COL6A5: variants seen among roughly 807,000 people sequenced by gnomAD.
The protein encoded by COL6A5 is collagen type VI alpha 5 chain, also known as collagen alpha-5(VI) chain.
In COL6A5, 48 loss-of-function variants were observed where a neutral mutation model predicts 65.6. That is an observed-to-expected ratio of 0.73 (90% confidence interval 0.58 to 0.93). The LOEUF (loss-of-function observed/expected upper bound fraction) is 0.93, where lower values mean the gene tolerates loss of function less well. COL6A5 is among the 40% of genes least tolerant of loss of function. The probability of loss-of-function intolerance (pLI) is 0.00; values close to 1 mark genes in which losing one functional copy is unlikely to be tolerated. For synonymous variants in COL6A5, 291 were observed against 322.8 expected, an observed-to-expected ratio of 0.90 and a Z score of 1.05; for missense variants, 914 against 928.3, an observed-to-expected ratio of 0.98 and a Z score of 0.20.
chr3:130,469,456 CAAG>C, exon 6 of COL6A5: 1 of 1,612,082 alleles, frequency 6.2e-7, no homozygotes, highest in Non-Finnish European at 8.5e-7. Context: ...TCAAGTTTGT[CAAG>C]CCATTTGTCC....
intron 1 of COL6A5, among the ~76,000 whole-genome samples, chr3:130,372,173 A>T (rs1464865923): frequency 2.0e-5 from 3 of 152,196 alleles, no homozygotes; most frequent in Non-Finnish European, 4.4e-5. Context: ...ATAAGTGTTG[A>T]TGGCAATGTG....
exon 4 of COL6A5, chr3:130,443,543 G>A (rs563800918): frequency 1.2e-5 from 19 of 1,609,740 alleles, no homozygotes; most frequent in Non-Finnish European, 1.6e-5. Flanking sequence ...TAGGAGGAGA[G>A]AATATTCAAA....
chr3:130,346,085 C>CTGTTGACGCCCCCAAATCTGA (rs1934464260), intron 1 of COL6A5, 104 bp downstream of exon 1: 1 of 397,704 alleles, frequency 2.5e-6, no homozygotes, highest in Non-Finnish European at 4.4e-6. Context: ...TGATTTGCAC[C>CTGTTGACGCCCCCAAATCTGA]TGTTGACGCC....
At chr3:130,409,036 C>A (rs35136572) in intron 17 of COL6A5, among the ~76,000 whole-genome samples, 12,606 of 152,122 alleles carry the variant, frequency 0.083, 604 homozygotes, top group Middle Eastern at 0.11. Context: ...TAATGGCTAC[C>A]GTATTGATGA....
At chr3:130,388,290 T>C (rs528045636) in intron 5 of COL6A5, among the ~76,000 whole-genome samples, 1 of 152,220 alleles carries the variant, frequency 6.6e-6, no homozygotes, top group East Asian at 1.9e-4. Context: ...CCTGGCATTT[T>C]ATACAACTCA....
intron 7 of COL6A5, among the ~76,000 whole-genome samples, chr3:130,479,048 G>A (rs1044240484): frequency 1.6e-4 from 24 of 152,006 alleles, no homozygotes; most frequent in Non-Finnish European, 2.9e-4. Context: ...TGGCCTGAAT[G>A]TTTGTGTTCC....
At chr3:130,431,648 G>C in exon 1 of COL6A5, 1 of 1,551,544 alleles carries the variant, frequency 6.4e-7, no homozygotes, top group Non-Finnish European at 8.7e-7. Flanking sequence ...TCAGGCACCA[G>C]CTATCTCATC....
chr3:130,364,923 A>C (rs1047353269), intron 1 of COL6A5, among the ~76,000 whole-genome samples: 2 of 152,178 alleles, frequency 1.3e-5, no homozygotes, highest in African/African-American at 4.8e-5. Context: ...CACAAAATAG[A>C]ATTTATTGAC....
At chr3:130,457,177 C>G (rs991964467) in intron 5 of COL6A5, among the ~76,000 whole-genome samples, 2 of 151,782 alleles carry the variant, frequency 1.3e-5, no homozygotes. Flanking sequence ...ATTAGAGTAG[C>G]CTTCAAGGCA....
chr3:130,389,302 C>G (rs957362183), intron 6 of COL6A5, among the ~76,000 whole-genome samples, 168 bp downstream of exon 6: 2 of 152,004 alleles, frequency 1.3e-5, no homozygotes, highest in East Asian at 3.9e-4. Context: ...ATGTTTCAGA[C>G]TAACAATTTT....
At chr3:130,453,097 T>C (rs976699215) in intron 4 of COL6A5, among the ~76,000 whole-genome samples, 1 of 152,090 alleles carries the variant, frequency 6.6e-6, no homozygotes, top group Non-Finnish European at 1.5e-5. Context: ...CTACAATTTG[T>C]GCAGTTAACA....
At chr3:130,383,526 C>T (rs1936077841) in intron 4 of COL6A5, among the ~76,000 whole-genome samples, 1 of 152,026 alleles carries the variant, frequency 6.6e-6, no homozygotes, top group African/African-American at 2.4e-5. Context: ...GGGATCAACC[C>T]TGTCTTTTGC....
At chr3:130,471,765 T>A in intron 7 of COL6A5, 1 of 1,534,720 alleles carries the variant, frequency 6.5e-7, no homozygotes. Context: ...CATCTCCTTG[T>A]ATTAGGGAAC....
chr3:130,427,686 A>G (rs1937634216), upstream of COL6A5, among the ~76,000 whole-genome samples: 1 of 152,144 alleles, frequency 6.6e-6, no homozygotes, highest in African/African-American at 2.4e-5. Flanking sequence ...TTCAAAACAC[A>G]TGGATGCATG....
In COL6A5 at chr3:130,401,550, A is replaced by G. The variant is rs528448941; in HGVS notation, c.4135-212A>G. Among the ~76,000 whole-genome samples, 26 of 152,282 alleles carry G rather than the reference A, an allele frequency of 1.7e-4. No individual in the cohort carries two copies. The South Asian group carries it at 5.2e-3, about 30-fold the overall frequency. On this transcript the variant is annotated intron_variant and NMD_transcript_variant, in intron 11 of 41. Coordinates refer to the COL6A5 transcript ENST00000312481. ...GATGCCCTGTCTATAGACAGAGATCATTTCCTCTGGAGAGGCGATGTTGCC... is the reference window on the plus strand; with the variant it reads ...GATGCCCTGTCTATAGACAGAGATCGTTTCCTCTGGAGAGGCGATGTTGCC...
At chr3:130,397,725 G>A (rs1253847152) in exon 9 of COL6A5, 2 of 1,551,524 alleles carry the variant, frequency 1.3e-6, no homozygotes, top group Admixed American at 2.0e-5. Flanking sequence ...TGAGCTGTGG[G>A]GCTGGCACAG....
At chr3:130,408,078 G>T (rs1937053222) in intron 17 of COL6A5, among the ~76,000 whole-genome samples, 2 of 152,220 alleles carry the variant, frequency 1.3e-5, no homozygotes, top group South Asian at 4.1e-4. Flanking sequence ...TATGAAATCT[G>T]AGCACCTTGA....
In COL6A5 at chr3:130,397,941, T is replaced by C; in HGVS notation, c.3909+18T>C. Reference sequence around the variant, plus strand: ...GGGGCCAGGTATCCATATTACATTCTATCTCCCATCTCCACATTCTCCCAT... The same window carrying C: ...GGGGCCAGGTATCCATATTACATTCCATCTCCCATCTCCACATTCTCCCAT... On this transcript the variant is annotated intron_variant and NMD_transcript_variant, in intron 9 of 41. Transcript: ENST00000312481. 6.5e-7 allele frequency: 1 copy of C among 1,547,606 alleles called. No individual in the cohort carries two copies. The highest frequency in any genetic ancestry group is 8.7e-7 in the Non-Finnish European group (1 of 1,143,386).
At chr3:130,411,849 C>A (rs1266306960) in intron 20 of COL6A5, among the ~76,000 whole-genome samples, 2 of 152,132 alleles carry the variant, frequency 1.3e-5, no homozygotes, top group East Asian at 3.9e-4. Context: ...CATTTCCCTG[C>A]TGACCTCCTC....
Sources: gnomAD v4.1 joint callset for allele counts (sites outside exome capture counted in the v4.1 genomes callset) on GRCh38, gnomAD v4.1.1 for gene constraint, MANE v1.5 for transcripts, NCBI Gene and HGNC (gene_info 2026-07-23, HGNC 2026-07-21) for gene names.